Variants in PACRG observed in about 807,000 individuals in gnomAD.
PACRG encodes parkin coregulated gene protein.
A neutral mutation model predicts 29.7 loss-of-function variants in PACRG; 29 were observed. The ratio of observed to expected loss-of-function variants is 0.98; its 90% CI spans 0.73 to 1.33. The LOEUF is 1.33. Ranked by LOEUF, PACRG falls within the 40% of genes most tolerant of loss-of-function variation. The pLI is 0.00. For synonymous variants in PACRG, 116 were observed against 118.7 expected (o/e 0.98, Z 0.15); for missense variants, 279 against 316.2 (o/e 0.88, Z 0.89).
chr6:163,313,140 T>C (rs538631612), intron 4 of PACRG, among the ~76,000 whole-genome samples: 19 of 151,780 alleles, frequency 1.3e-4, no homozygotes, highest in African/African-American at 4.3e-4. Context: ...TTTTGAATAT[T>C]TGGGATGATC....
chr6:163,050,719 TTTCTC>T lies in PACRG; in HGVS notation c.292-11429_292-11425del, dbSNP rs200964824. Among the ~76,000 whole-genome samples the T allele has an allele frequency of 4.5e-4, 69 of 152,330 alleles. 2 individuals carry two copies. The East Asian group carries it at 0.013, about 29-fold the overall frequency. On this transcript the variant is annotated intron_variant, in intron 2 of 4. Transcript: ENST00000366888. ...GAGCATGTTGAACATTTTTTACCCT[TTTCTC>T]TGACCTCTATTTTATTAATGAGACA...
At chr6:162,883,926 A>G (rs970228528) in intron 2 of PACRG, among the ~76,000 whole-genome samples, 2 of 152,046 alleles carry the variant, frequency 1.3e-5, no homozygotes. Context: ...CATTCATAAC[A>G]TATTTAACTT....
At chr6:162,958,796 A>G (rs1343143292) in intron 2 of PACRG, among the ~76,000 whole-genome samples, 12 of 148,230 alleles carry the variant, frequency 8.1e-5, no homozygotes, top group Non-Finnish European at 1.2e-4. Context: ...ATACACACAC[A>G]TATATATAGC....
At chr6:162,845,070 C>G (rs974721715) in intron 2 of PACRG, among the ~76,000 whole-genome samples, 2 of 151,986 alleles carry the variant, frequency 1.3e-5, no homozygotes, top group African/African-American at 4.8e-5. Context: ...TAAAGGTAAA[C>G]TATGTGAAAA....
intron 2 of PACRG, among the ~76,000 whole-genome samples, chr6:162,850,910 G>A (rs546969634): frequency 1.1e-3 from 161 of 152,272 alleles, no homozygotes; most frequent in African/African-American, 3.6e-3. Flanking sequence ...ACAGTCTTGC[G>A]GGCCTGAGCC....
At chr6:163,088,918 A>G (rs1178192721) in intron 3 of PACRG, among the ~76,000 whole-genome samples, 2 of 152,258 alleles carry the variant, frequency 1.3e-5, no homozygotes, top group East Asian at 3.9e-4. Flanking sequence ...GTCAACCCAC[A>G]TGGGTTCCTT....
intron 4 of PACRG, among the ~76,000 whole-genome samples, chr6:163,268,094 T>C (rs1310395602): frequency 1.3e-5 from 2 of 152,180 alleles, no homozygotes; most frequent in Non-Finnish European, 1.5e-5. Context: ...AAGTACGTTA[T>C]AGATACTTTG....
At chr6:163,211,699 C>T (rs1781148840) in intron 4 of PACRG, among the ~76,000 whole-genome samples, 1 of 152,156 alleles carries the variant, frequency 6.6e-6, no homozygotes, top group South Asian at 2.1e-4. Context: ...CGTTCCTCCC[C>T]CTATAAGAGT....
At chr6:162,757,767 G>T (rs1782042779) in intron 1 of PACRG, among the ~76,000 whole-genome samples, 1 of 151,996 alleles carries the variant, frequency 6.6e-6, no homozygotes, top group Non-Finnish European at 1.5e-5. Flanking sequence ...CATGCATGAG[G>T]AAGTAAGATA....
intron 4 of PACRG, chr6:163,312,925 T>A (rs1046712761): frequency 6.4e-5 from 18 of 281,006 alleles, no homozygotes; most frequent in Non-Finnish European, 1.1e-4. Flanking sequence ...GCTAATTTTT[T>A]AATTTCTTTT....
chr6:163,049,330 C>A (rs184074273), intron 2 of PACRG, among the ~76,000 whole-genome samples: 1 of 151,920 alleles, frequency 6.6e-6, no homozygotes, highest in East Asian at 1.9e-4. Flanking sequence ...ACATTTTATA[C>A]CAGGAAAAGT....
chr6:162,830,575 T>C (rs1471818710), intron 2 of PACRG, among the ~76,000 whole-genome samples: 1 of 152,230 alleles, frequency 6.6e-6, no homozygotes, highest in African/African-American at 2.4e-5. Flanking sequence ...ACCATGCCTG[T>C]CCCAGGCAAA....
chr6:162,917,102 T>C (rs533416937), intron 2 of PACRG, among the ~76,000 whole-genome samples: 1 of 152,300 alleles, frequency 6.6e-6, no homozygotes, highest in African/African-American at 2.4e-5. Context: ...GTCTCACATA[T>C]GCCTGAGTTC....
intron 4 of PACRG, among the ~76,000 whole-genome samples, chr6:163,285,463 C>T (rs1784367388): frequency 6.6e-6 from 1 of 152,162 alleles, no homozygotes; most frequent in African/African-American, 2.4e-5. Flanking sequence ...TAGAGTGAAT[C>T]CCCATGAGGT....
intron 2 of PACRG, among the ~76,000 whole-genome samples, chr6:162,862,250 C>T (rs868515886): frequency 3.9e-5 from 6 of 152,244 alleles, no homozygotes; most frequent in African/African-American, 9.6e-5. Context: ...CCACCTTTCA[C>T]GAGACTCCGG....
intron 2 of PACRG, among the ~76,000 whole-genome samples, chr6:162,952,488 G>A (rs1169131266): frequency 6.6e-6 from 1 of 152,134 alleles, no homozygotes; most frequent in Non-Finnish European, 1.5e-5. Context: ...TGTTCCACAG[G>A]GAGTGAGGTT....
At chr6:163,026,955 G>A (rs1210461712) in intron 2 of PACRG, among the ~76,000 whole-genome samples, 1 of 152,196 alleles carries the variant, frequency 6.6e-6, no homozygotes, top group Non-Finnish European at 1.5e-5. Flanking sequence ...GGGCAGCCAG[G>A]TTATTGTTCA....
chr6:162,943,503 C>A (rs1275732809), intron 2 of PACRG, among the ~76,000 whole-genome samples: 1 of 152,142 alleles, frequency 6.6e-6, no homozygotes. Flanking sequence ...GAAAAAGCAA[C>A]CCTGCTCTCC....
chr6:162,739,695 A>C (rs548524125), intron 1 of PACRG, among the ~76,000 whole-genome samples: 1 of 152,154 alleles, frequency 6.6e-6, no homozygotes, highest in East Asian at 1.9e-4. Flanking sequence ...ACAAAAAATT[A>C]GCTGCATGTG....
Sources: gnomAD v4.1 joint callset for allele counts (sites outside exome capture counted in the v4.1 genomes callset) on GRCh38, gnomAD v4.1.1 for gene constraint, MANE v1.5 for transcripts, NCBI Gene and HGNC (gene_info 2026-07-23, HGNC 2026-07-21) for gene names.